Variants in ATF7IP2 observed in about 807,000 individuals in gnomAD.
The protein encoded by ATF7IP2 is activating transcription factor 7 interacting protein 2.
Under a neutral mutation model 64.2 loss-of-function variants are expected in ATF7IP2, and 42 were observed. That is an observed-to-expected ratio of 0.65 (90% CI 0.51 to 0.85). The LOEUF (loss-of-function observed/expected upper bound fraction) is 0.85, where lower values mean the gene tolerates loss of function less well. Ranked by LOEUF, ATF7IP2 falls within the 40% of genes least tolerant of loss-of-function variation. The pLI is 0.00. For synonymous variants in ATF7IP2, 308 were observed against 272.8 expected (o/e 1.13, Z -1.27); for missense variants, 933 against 784.2 (o/e 1.19, Z -2.27).
At chr16:10,476,616 C>T (rs2050019129) in intron 12 of ATF7IP2, among the ~76,000 whole-genome samples, 1 of 152,048 alleles carries the variant, frequency 6.6e-6, no homozygotes, top group Non-Finnish European at 1.5e-5. Flanking sequence ...AAGTATTAAG[C>T]CTGGCATGCA....
intron 9 of ATF7IP2, among the ~76,000 whole-genome samples, chr16:10,463,949 CT>C (rs1161455085): frequency 1.3e-5 from 2 of 152,134 alleles, no homozygotes; most frequent in African/African-American, 4.8e-5. Flanking sequence ...CAGTTCTTGG[CT>C]CCTCAATACC....
intron 1 of ATF7IP2, among the ~76,000 whole-genome samples, chr16:10,412,951 T>G (rs1238569850): frequency 6.6e-6 from 1 of 152,162 alleles, no homozygotes; most frequent in Non-Finnish European, 1.5e-5. Context: ...TGCTTTAAAG[T>G]TTGTTTTATC....
In ATF7IP2 at chr16:10,441,841, T is replaced by C. The variant is rs115726096; in HGVS notation, c.1194+1379T>C. On this transcript the variant is annotated intron_variant, in intron 8 of 13. Coordinates refer to ENST00000562102, the MANE Select transcript of ATF7IP2 (RefSeq NM_001393719.1). ...GCCCATTCCTATGTCCTGTATGTTA[T>C]TGCCTATGTTAGAAACAAGAGCTGG... Among the ~76,000 whole-genome samples, 416 of 152,348 alleles carry C rather than the reference T, an allele frequency of 2.7e-3. 4 individuals carry two copies. The highest frequency in any genetic ancestry group is 9.5e-3 in the African/African-American group (394 of 41,584).
At chr16:10,465,921 C>T (rs2049552810) in intron 9 of ATF7IP2, among the ~76,000 whole-genome samples, 1 of 152,036 alleles carries the variant, frequency 6.6e-6, no homozygotes, top group Admixed American at 6.6e-5. Flanking sequence ...ATATAGTTGA[C>T]ATGTAATATC....
intron 1 of ATF7IP2, among the ~76,000 whole-genome samples, chr16:10,405,460 C>T (rs1026384342): frequency 7.2e-5 from 11 of 152,182 alleles, no homozygotes; most frequent in Admixed American, 6.5e-5. Flanking sequence ...GTCCAAGCTG[C>T]ATTGTTTTGT....
intron 9 of ATF7IP2, 135 bp downstream of exon 9, chr16:10,457,664 T>C (rs2049226803): frequency 2.9e-6 from 2 of 691,208 alleles, no homozygotes; most frequent in African/African-American, 1.9e-5. Context: ...GTTTTACTTT[T>C]ACATATTATA....
chr16:10,388,495 A>G (rs1355530792), intron 1 of ATF7IP2, among the ~76,000 whole-genome samples: 1 of 152,226 alleles, frequency 6.6e-6, no homozygotes, highest in African/African-American at 2.4e-5. Flanking sequence ...TAGTGTGTAC[A>G]GTATGCTGAT....
intron 8 of ATF7IP2, among the ~76,000 whole-genome samples, chr16:10,442,024 C>A (rs1210532644): frequency 6.6e-6 from 1 of 152,170 alleles, no homozygotes; most frequent in Non-Finnish European, 1.5e-5. Flanking sequence ...GTTTCTGTGT[C>A]CTCCCCCCAT....
intron 12 of ATF7IP2, among the ~76,000 whole-genome samples, chr16:10,480,260 A>T (rs1348492853): frequency 6.6e-6 from 1 of 151,996 alleles, no homozygotes; most frequent in Non-Finnish European, 1.5e-5. Context: ...GACAGATGTG[A>T]GCCACTATGC....
chr16:10,414,273 A>G (rs941767174), intron 1 of ATF7IP2, among the ~76,000 whole-genome samples: 1 of 152,134 alleles, frequency 6.6e-6, no homozygotes, highest in East Asian at 1.9e-4. Flanking sequence ...GGCTTTGTTC[A>G]TATTTTCTTA....
intron 9 of ATF7IP2, among the ~76,000 whole-genome samples, chr16:10,467,921 C>CCAG (rs2049641867): frequency 7.0e-6 from 1 of 142,114 alleles, no homozygotes; most frequent in Admixed American, 7.4e-5. Flanking sequence ...CTCTTGTTGT[C>CCAG]CAGGCTAGAG....
Position 10,426,861 on chromosome 16 carries a change from GT to G in ATF7IP2, c.-159-1998del, listed in dbSNP as rs553402445. Among the ~76,000 whole-genome samples the G allele has an allele frequency of 2.3e-3, 347 of 150,780 alleles. 1 individual carries two copies. Among genetic ancestry groups the G allele is most frequent in the African/African-American group, 5.4e-3 (222 of 41,112 alleles). On this transcript the variant is annotated intron_variant, in intron 3 of 13. Transcript: ENST00000562102. ...TGGTTTTTGGTTTTTTTTTGTTGTT[GT>G]TTTTTTTTAAGACAGTGTCCCACTC...
chr16:10,403,142 TA>T (rs1347517211), intron 1 of ATF7IP2, among the ~76,000 whole-genome samples: 2 of 152,210 alleles, frequency 1.3e-5, no homozygotes, highest in Non-Finnish European at 2.9e-5. Flanking sequence ...TAAATCCTGC[TA>T]ACACTGCAGC....
chr16:10,470,293 A>C (rs1242274135), intron 9 of ATF7IP2, among the ~76,000 whole-genome samples: 1 of 152,192 alleles, frequency 6.6e-6, no homozygotes, highest in African/African-American at 2.4e-5. Flanking sequence ...ATTTACAATG[A>C]CTTCAGAGAA....
intron 1 of ATF7IP2, among the ~76,000 whole-genome samples, chr16:10,388,937 G>A (rs1274189398): frequency 6.6e-6 from 1 of 152,028 alleles, no homozygotes; most frequent in Non-Finnish European, 1.5e-5. Context: ...GCGTGAAGCC[G>A]GGAGGCGGAG....
intron 9 of ATF7IP2, among the ~76,000 whole-genome samples, chr16:10,467,761 C>T (rs1788388936): frequency 1.3e-5 from 2 of 151,876 alleles, no homozygotes; most frequent in South Asian, 4.2e-4. Flanking sequence ...CCATGTTATC[C>T]AGGCTGGTCT....
intron 9 of ATF7IP2, among the ~76,000 whole-genome samples, chr16:10,466,828 C>T (rs879709213): frequency 6.6e-6 from 1 of 151,826 alleles, no homozygotes; most frequent in Non-Finnish European, 1.5e-5. Flanking sequence ...GATGAATGCT[C>T]TATCTTTTTT....
At chr16:10,456,194 A>AG (rs1362573623) in intron 8 of ATF7IP2, among the ~76,000 whole-genome samples, 2 of 151,676 alleles carry the variant, frequency 1.3e-5, no homozygotes, top group Non-Finnish European at 1.5e-5. Flanking sequence ...TCACAATGTG[A>AG]GAAAAAAAAA....
At chr16:10,394,785 A>G (rs112823420) in intron 1 of ATF7IP2, among the ~76,000 whole-genome samples, 1,773 of 152,344 alleles carry the variant, frequency 0.012, 40 homozygotes, top group African/African-American at 0.04. Context: ...GAGGTTAATT[A>G]GAAAATACTT....
Sources: gnomAD v4.1 joint callset for allele counts (sites outside exome capture counted in the v4.1 genomes callset) on GRCh38, gnomAD v4.1.1 for gene constraint, MANE v1.5 for transcripts, NCBI Gene and HGNC (gene_info 2026-07-23, HGNC 2026-07-21) for gene names.